STPG2: variants seen among roughly 807,000 people sequenced by gnomAD.
STPG2 encodes sperm tail PG-rich repeat containing 2.
STPG2 carries 56 observed loss-of-function variants against 54.2 expected under a neutral mutation model. That is an observed-to-expected ratio of 1.03 (90% CI 0.83 to 1.29). The LOEUF (loss-of-function observed/expected upper bound fraction) is 1.29, where lower values mean the gene tolerates loss of function less well. Ranked by LOEUF, STPG2 falls within the 50% of genes most tolerant of loss-of-function variation. The pLI, the probability that STPG2 is intolerant of heterozygous loss-of-function variation, is 0.00. For missense variants in STPG2, 596 were observed against 544.9 expected (o/e 1.09, Z -0.93); for synonymous variants, 200 against 181.8 (o/e 1.10, Z -0.81).
intron 8 of STPG2, among the ~76,000 whole-genome samples, chr4:97,922,254 G>A (rs559977567): frequency 6.6e-6 from 1 of 151,916 alleles, no homozygotes; most frequent in Middle Eastern, 3.4e-3. Flanking sequence ...ACATCACATT[G>A]TATGTCATAT....
chr4:97,951,750 TTTAA>T (rs917716480), intron 7 of STPG2, among the ~76,000 whole-genome samples: 1 of 152,278 alleles, frequency 6.6e-6, no homozygotes, highest in East Asian at 1.9e-4. Flanking sequence ...GATGTGTGCT[TTTAA>T]TTAATTTATT....
chr4:97,467,191 T>G (rs1451503959), intron 4 of STPG2, among the ~76,000 whole-genome samples: 4 of 151,946 alleles, frequency 2.6e-5, no homozygotes, highest in Non-Finnish European at 5.9e-5. Flanking sequence ...AATCAAAATC[T>G]GAGTATATTT....
chr4:97,931,673 T>C (rs1179395735), intron 8 of STPG2, among the ~76,000 whole-genome samples: 3 of 152,004 alleles, frequency 2.0e-5, no homozygotes, highest in Non-Finnish European at 4.4e-5. Flanking sequence ...TTTTTGTTGT[T>C]GTTGTTGTTT....
chr4:97,564,644 C>A (rs573044630), intron 10 of STPG2, among the ~76,000 whole-genome samples: 7 of 152,266 alleles, frequency 4.6e-5, no homozygotes, highest in African/African-American at 1.7e-4. Context: ...GACAAAATCT[C>A]TCAGTGTTTG....
intron 7 of STPG2, among the ~76,000 whole-genome samples, chr4:97,948,308 C>G (rs1360961571): frequency 6.6e-6 from 1 of 152,028 alleles, no homozygotes. Context: ...AATCTCCTCT[C>G]TTCTTTTCTT....
At chr4:97,955,438 A>G (rs1733640506) in intron 7 of STPG2, among the ~76,000 whole-genome samples, 1 of 151,944 alleles carries the variant, frequency 6.6e-6, no homozygotes, top group Admixed American at 6.6e-5. Context: ...AATGGTCTCG[A>G]TCTCCTGACC....
intron 8 of STPG2, chr4:97,917,089 C>T (rs1185443922): frequency 6.6e-6 from 1 of 152,644 alleles, no homozygotes; most frequent in African/African-American, 2.4e-5. Context: ...CTATCTCCCT[C>T]TTTAACTGTG....
intron 9 of STPG2, among the ~76,000 whole-genome samples, chr4:97,778,634 C>A (rs939402279): frequency 6.6e-6 from 1 of 152,208 alleles, no homozygotes; most frequent in Non-Finnish European, 1.5e-5. Flanking sequence ...AGACTGCCTC[C>A]CCAAGTGGGT....
chr4:97,555,585 T>A (rs527734761), downstream of STPG2, among the ~76,000 whole-genome samples: 13 of 152,284 alleles, frequency 8.5e-5, no homozygotes, highest in East Asian at 2.5e-3. Flanking sequence ...ATGCTAATTT[T>A]TTAACCTAAA....
chr4:97,638,942 C>T (rs1005723247), intron 10 of STPG2, among the ~76,000 whole-genome samples: 1 of 149,290 alleles, frequency 6.7e-6, no homozygotes, highest in Non-Finnish European at 1.5e-5. Context: ...TGTGGCGATT[C>T]CTCAGGGATC....
chr4:97,940,922 T>C (rs1010496412), intron 8 of STPG2, among the ~76,000 whole-genome samples: 1 of 152,142 alleles, frequency 6.6e-6, no homozygotes, highest in African/African-American at 2.4e-5. Flanking sequence ...ATATTCATCT[T>C]TGTCTTTATG....
chr4:98,018,234 T>C, intron 5 of STPG2, among the ~76,000 whole-genome samples: 1 of 152,062 alleles, frequency 6.6e-6, no homozygotes, highest in Non-Finnish European at 1.5e-5. Flanking sequence ...GTTCTCATTA[T>C]TCAATTCCCA....
At chr4:97,915,763 T>C (rs1397289944) in intron 8 of STPG2, among the ~76,000 whole-genome samples, 1 of 152,062 alleles carries the variant, frequency 6.6e-6, no homozygotes, top group Non-Finnish European at 1.5e-5. Flanking sequence ...GGAAAAATCA[T>C]GGTCATAATG....
chr4:97,780,328 C>T (rs1284382464), intron 9 of STPG2, among the ~76,000 whole-genome samples: 1 of 26,106 alleles, frequency 3.8e-5, no homozygotes, highest in African/African-American at 1.7e-4. Flanking sequence ...TCAAAAGACA[C>T]AAAGAAGGCC....
chr4:97,902,760 G>A (rs1298109652), intron 8 of STPG2, among the ~76,000 whole-genome samples: 1 of 152,058 alleles, frequency 6.6e-6, no homozygotes, highest in Non-Finnish European at 1.5e-5. Context: ...ATTAAAAATA[G>A]AACTACTGTA....
intron 9 of STPG2, among the ~76,000 whole-genome samples, chr4:97,726,813 T>A (rs918000010): frequency 7.1e-6 from 1 of 141,404 alleles, no homozygotes; most frequent in Non-Finnish European, 1.5e-5. Context: ...AATACAAACA[T>A]ACACACACAC....
intron 10 of STPG2, among the ~76,000 whole-genome samples, chr4:97,662,159 T>A (rs996793928): frequency 6.6e-6 from 1 of 151,928 alleles, no homozygotes; most frequent in Non-Finnish European, 1.5e-5. Flanking sequence ...CCAGACTCTA[T>A]AAGAAATTAA....
chr4:97,545,115 T>C (rs577921022), intron 4 of STPG2, among the ~76,000 whole-genome samples: 1 of 152,246 alleles, frequency 6.6e-6, no homozygotes, highest in South Asian at 2.1e-4. Flanking sequence ...TGCTGATTAT[T>C]CTGATCCTTG....
intron 5 of STPG2, among the ~76,000 whole-genome samples, chr4:97,989,698 T>C (rs1481749229): frequency 6.6e-6 from 1 of 152,190 alleles, no homozygotes; most frequent in African/African-American, 2.4e-5. Flanking sequence ...GCATCACTAT[T>C]CTTGCACTTT....
Sources: allele counts gnomAD v4.1 joint callset (sites outside exome capture counted in the v4.1 genomes callset), GRCh38; gene constraint gnomAD v4.1.1; transcripts MANE v1.5; gene names NCBI Gene and HGNC (gene_info 2026-07-23, HGNC 2026-07-21).